PCDH10: variants seen among roughly 807,000 people sequenced by gnomAD.
PCDH10 encodes protocadherin 10.
PCDH10 carries 15 observed loss-of-function variants against 74.4 expected under a neutral mutation model. The ratio of observed to expected loss-of-function variants is 0.20; its 90% CI spans 0.13 to 0.31. The LOEUF is 0.31. PCDH10 is among the 10% of genes least tolerant of loss of function. PCDH10 has a pLI of 1.00. For missense variants in PCDH10, 1,260 were observed against 1,390.2 expected, an observed-to-expected ratio of 0.91 and a Z score of 1.49; for synonymous variants, 619 against 589.8, an observed-to-expected ratio of 1.05 and a Z score of -0.72.
chr4:133,201,840 G>A (rs1175875204), intron 2 of PCDH10, among the ~76,000 whole-genome samples: 1 of 122,812 alleles, frequency 8.1e-6, no homozygotes, highest in Non-Finnish European at 1.6e-5. Flanking sequence ...TGGGCAACAA[G>A]AGTGAAACTC....
chr4:133,170,902 C>T (rs1369392488), intron 4 of PCDH10, among the ~76,000 whole-genome samples: 1 of 151,242 alleles, frequency 6.6e-6, no homozygotes, highest in African/African-American at 2.5e-5. Flanking sequence ...TCCTGTTAGC[C>T]CAGATGGTCT....
intron 4 of PCDH10, among the ~76,000 whole-genome samples, chr4:133,184,139 A>G (rs1231642900): frequency 6.6e-6 from 1 of 152,088 alleles, no homozygotes; most frequent in Non-Finnish European, 1.5e-5. Context: ...TTGCTTTCTA[A>G]AAGACTAATA....
At chr4:133,163,653 C>G (rs1727021093) in intron 4 of PCDH10, among the ~76,000 whole-genome samples, 1 of 151,986 alleles carries the variant, frequency 6.6e-6, no homozygotes, top group Non-Finnish European at 1.5e-5. Context: ...ACTGGCAATT[C>G]AATATCTTGG....
intron 4 of PCDH10, among the ~76,000 whole-genome samples, chr4:133,167,618 A>G (rs896462411): frequency 1.3e-5 from 2 of 151,344 alleles, no homozygotes; most frequent in African/African-American, 4.8e-5. Flanking sequence ...TTTTCTTTTT[A>G]ACTTGATATG....
intron 4 of PCDH10, among the ~76,000 whole-genome samples, chr4:133,188,233 G>A (rs1479465010): frequency 6.6e-6 from 1 of 152,044 alleles, no homozygotes; most frequent in Non-Finnish European, 1.5e-5. Context: ...TCACCAGTGG[G>A]TCCAGTTTAG....
At chr4:133,153,134 C>T (rs1331431414) in intron 1 of PCDH10, 2 of 1,230,106 alleles carry the variant, frequency 1.6e-6, no homozygotes, top group Non-Finnish European at 2.1e-6. Context: ...CTAGCACTGG[C>T]AAAGGTCTTT....
chr4:133,188,878 T>G (rs1374071634), intron 4 of PCDH10, among the ~76,000 whole-genome samples: 2 of 151,900 alleles, frequency 1.3e-5, no homozygotes. Context: ...ATTCACCATG[T>G]TGGCCAGGCT....
chr4:133,172,022 A>C (rs1727213750), intron 4 of PCDH10, among the ~76,000 whole-genome samples: 1 of 152,062 alleles, frequency 6.6e-6, no homozygotes, highest in Admixed American at 6.6e-5. Context: ...AATATTTTAA[A>C]ATATTTTTTA....
chr4:133,153,239 GTTTAAC>G (rs1467053568), intron 1 of PCDH10: 3 of 1,026,656 alleles, frequency 2.9e-6, no homozygotes, highest in Non-Finnish European at 3.5e-6. Context: ...GCTATAGATT[GTTTAAC>G]TTTACACAGT....
chr4:133,189,138 A>G (rs988137776), intron 4 of PCDH10, among the ~76,000 whole-genome samples: 1 of 152,130 alleles, frequency 6.6e-6, no homozygotes, highest in Non-Finnish European at 1.5e-5. Context: ...GAGAAGATCA[A>G]CATGTTCTTA....
In PCDH10 at chr4:133,181,877, G is replaced by A. The variant is rs62311812; in HGVS notation, c.3104-8264G>A. Among the ~76,000 whole-genome samples, 16 of 152,074 alleles carry A rather than the reference G, an allele frequency of 1.1e-4. No individual in the cohort carries two copies. In the East Asian group the frequency reaches 1.7e-3, roughly 17 times the overall value. ...TCTTTGAACATATGTTTGAATAGGC[G>A]TTTAGAAATATTTACCAACCCAGAA... On this transcript the variant is annotated intron_variant, in intron 4 of 4. Coordinates refer to ENST00000264360, the MANE Select transcript of PCDH10 (RefSeq NM_032961.3).
At chr4:133,184,631 G>T (rs963658920) in intron 4 of PCDH10, among the ~76,000 whole-genome samples, 4 of 144,014 alleles carry the variant, frequency 2.8e-5, no homozygotes, top group Non-Finnish European at 6.1e-5. Context: ...AAATAAACCG[G>T]TTTTATTATC....
At chr4:133,205,671 C>G (rs1349147758) in intron 2 of PCDH10, among the ~76,000 whole-genome samples, 1 of 151,964 alleles carries the variant, frequency 6.6e-6, no homozygotes, top group African/African-American at 2.4e-5. Context: ...ACTTGTCTGT[C>G]AATTTTCATT....
rs1349985856 is a variant in PCDH10 at position 133,151,897 on chromosome 4, C to G, written c.1757C>G (p.Ala586Gly). 5 of 1,612,762 alleles carry G rather than the reference C, an allele frequency of 3.1e-6. No homozygotes were observed. Among genetic ancestry groups the G allele is most frequent in the Admixed American group, 1.7e-5 (1 of 60,002 alleles). Residue 586 changes from alanine to glycine, a missense_variant, in exon 1 of 5, where the codon GCG becomes GGG. Physicochemically the swap from Ala to Gly is moderately conservative, Grantham distance 60 (BLOSUM62 0). Transcript: ENST00000264360. ...APLPGRNGTP[A>G]REVLPRSAEP... ...CTACCAGGGCGCAACGGGACTCCAGCGCGTGAGGTGCTGCCCCGCTCGGCG... is the reference window on the plus strand; with the variant it reads ...CTACCAGGGCGCAACGGGACTCCAGGGCGTGAGGTGCTGCCCCGCTCGGCG...
At chr4:133,161,962 C>G (rs1164920251) in intron 3 of PCDH10, among the ~76,000 whole-genome samples, 1 of 152,196 alleles carries the variant, frequency 6.6e-6, no homozygotes, top group East Asian at 1.9e-4. Context: ...CTATATATAT[C>G]AGCATTAATA....
chr4:133,163,116 C>T lies in PCDH10; in HGVS notation c.2937C>T (p.Asp979=). ...YRSNLHVPGM[D]SVPDTEVFET... ...GCAATCTGCATGTTCCTGGCATGGA[C>T]TCTGTTCCAGACACTGAGGTGTTTG... Residue 979 remains aspartate, a synonymous_variant, in exon 4 of 5, where the codon GAC becomes GAT. Coordinates refer to ENST00000264360, the MANE Select transcript of PCDH10 (RefSeq NM_032961.3). 1 of 1,614,160 alleles carries T rather than the reference C, an allele frequency of 6.2e-7. No individual in the cohort carries two copies. The highest frequency in any genetic ancestry group is 8.5e-7 in the Non-Finnish European group (1 of 1,180,028).
Position 133,150,065 on chromosome 4 carries a change from T to A in PCDH10, c.-76T>A. ...TTTTATTTGTATTTTTTCAGATTTTTTTTTGTTTCGTGGTGGTGGGGGAGG... is the reference window on the plus strand; with the variant it reads ...TTTTATTTGTATTTTTTCAGATTTTATTTTGTTTCGTGGTGGTGGGGGAGG... On this transcript the variant is annotated 5_prime_UTR_variant, in exon 1 of 5. Coordinates refer to ENST00000264360, the MANE Select transcript of PCDH10 (RefSeq NM_032961.3). The A allele has an allele frequency of 6.9e-7, 1 of 1,443,578 alleles. No homozygotes were observed. The highest frequency in any genetic ancestry group is 9.1e-7 in the Non-Finnish European group (1 of 1,096,392). The allele number at this position is 1,443,578 out of a possible 1,614,324, so 89.4% of individuals were successfully genotyped here.
intron 4 of PCDH10, among the ~76,000 whole-genome samples, chr4:133,169,282 T>C (rs1357960457): frequency 6.6e-6 from 1 of 151,800 alleles, no homozygotes; most frequent in Non-Finnish European, 1.5e-5. Flanking sequence ...AGGATTTATT[T>C]ATTTGCATTT....
chr4:133,176,472 T>C (rs1431425685), intron 4 of PCDH10, among the ~76,000 whole-genome samples: 1 of 152,134 alleles, frequency 6.6e-6, no homozygotes, highest in Non-Finnish European at 1.5e-5. Context: ...TCAGTTAAAA[T>C]TGGAACAATG....
Sources: gnomAD v4.1 joint callset for allele counts (sites outside exome capture counted in the v4.1 genomes callset) on GRCh38, gnomAD v4.1.1 for gene constraint, MANE v1.5 for transcripts, NCBI Gene and HGNC (gene_info 2026-07-23, HGNC 2026-07-21) for gene names.